ANK2: variants seen among roughly 807,000 people sequenced by gnomAD.
ANK2 encodes the protein ankyrin-2.
ANK2 carries 83 observed loss-of-function variants against 360.5 expected under a neutral mutation model. The ratio of observed to expected loss-of-function variants is 0.23; its 90% CI spans 0.19 to 0.28. The LOEUF (loss-of-function observed/expected upper bound fraction) is 0.28. ANK2 is among the 10% of genes least tolerant of loss of function. The pLI is 1.00. For missense variants in ANK2, 4,201 were observed against 4,795.7 expected, an observed-to-expected ratio of 0.88 and a Z score of 3.66; for synonymous variants, 1,740 against 1,759.5, an observed-to-expected ratio of 0.99 and a Z score of 0.28.
chr4:113,357,542 G>T lies in ANK2; in HGVS notation c.8924G>T (p.Ser2975Ile). ...CCTGTTGAAGACGTTGTAGTGGCAA[G>T]CTCCTCTAGTGGAACTGTTTTAAGC... Reference protein sequence around the residue: ...TSPVEDVVVASSSSGTVLSKE... With the variant: ...TSPVEDVVVAISSSGTVLSKE... The change falls in exon 38 of 46, where the codon AGC becomes ATC. Residue 2975 changes from serine to isoleucine, a missense_variant. Ser to Ile is a moderately radical substitution (Grantham distance 142). Coordinates refer to ENST00000357077, the MANE Select transcript of ANK2 (RefSeq NM_001148.6). 1 of 1,614,122 alleles carries T rather than the reference G, an allele frequency of 6.2e-7. No homozygotes were observed. The highest frequency in any genetic ancestry group is 1.3e-5 in the African/African-American group (1 of 75,038).
chr4:113,012,559 A>G (rs2055126102), intron 2 of ANK2, among the ~76,000 whole-genome samples: 1 of 152,188 alleles, frequency 6.6e-6, no homozygotes, highest in Non-Finnish European at 1.5e-5. Context: ...TTCAAGTGAG[A>G]TACCAGTTTT....
intron 4 of ANK2, among the ~76,000 whole-genome samples, chr4:113,213,336 G>A (rs2099046150): frequency 6.6e-6 from 1 of 152,170 alleles, no homozygotes; most frequent in African/African-American, 2.4e-5. Flanking sequence ...AAAGTCACAA[G>A]TTTAAAAATG....
chr4:113,054,408 T>G (rs1265791207), intron 1 of ANK2, among the ~76,000 whole-genome samples: 1 of 152,138 alleles, frequency 6.6e-6, no homozygotes, highest in Admixed American at 6.5e-5. Context: ...GCCAGATGTG[T>G]GGTTAAAATG....
At chr4:112,873,693 C>T (rs547841350) in intron 1 of ANK2, among the ~76,000 whole-genome samples, 111 of 150,568 alleles carry the variant, frequency 7.4e-4, no homozygotes, top group African/African-American at 2.7e-3. Context: ...CCCGCCACCA[C>T]GCTTGGCTAT....
chr4:112,928,620 G>A (rs1581322063), intron 2 of ANK2, among the ~76,000 whole-genome samples: 1 of 151,970 alleles, frequency 6.6e-6, no homozygotes. Flanking sequence ...AATCCAAGAC[G>A]ACTGGTGTCC....
chr4:113,102,790 C>T lies in ANK2; in HGVS notation c.84+52978C>T, dbSNP rs1385757996. ...TATTTCCTAGTATCTTAATCACATA[C>T]CTAGACGGAACTGAATTTCTAGATA... On this transcript the variant is annotated intron_variant, in intron 1 of 45. Transcript: ENST00000357077. 2.6e-5 allele frequency among the ~76,000 whole-genome samples: 4 copies of T among 152,076 alleles called. No homozygotes were observed. The East Asian group carries it at 7.7e-4, about 29-fold the overall frequency.
the ANK2 span, among the ~76,000 whole-genome samples, chr4:112,766,827 A>C: frequency 6.6e-6 from 1 of 152,164 alleles, no homozygotes; most frequent in Non-Finnish European, 1.5e-5. Flanking sequence ...CCCTCACCCA[A>C]GACAGGAATT....
intron 14 of ANK2, among the ~76,000 whole-genome samples, chr4:113,267,969 C>A (rs2056907405): frequency 6.6e-6 from 1 of 152,080 alleles, no homozygotes; most frequent in Non-Finnish European, 1.5e-5. Context: ...CCTTCACATC[C>A]CTTGTAAGTT....
intron 1 of ANK2, among the ~76,000 whole-genome samples, chr4:112,822,184 C>T (rs2057256832): frequency 1.4e-5 from 2 of 144,922 alleles, no homozygotes; most frequent in Admixed American, 7.3e-5. Flanking sequence ...GAGAGGATCA[C>T]GAGGTCAGGA....
chr4:113,100,567 T>C (rs2092660865), intron 1 of ANK2, among the ~76,000 whole-genome samples: 1 of 152,132 alleles, frequency 6.6e-6, no homozygotes, highest in South Asian at 2.1e-4. Flanking sequence ...ATCAACTTGG[T>C]AGTGTCTTAG....
Position 113,218,449 on chromosome 4 carries a change from A to AC in ANK2, c.385-13710dup, listed in dbSNP as rs2099111838. On this transcript the variant is annotated intron_variant, in intron 4 of 45. Coordinates refer to ENST00000357077, the MANE Select transcript of ANK2 (RefSeq NM_001148.6). ...TCAGTTTAACAGTAATCATTAAATG[A>AC]CCAAAAAAAAAAAAAAATGACTGAC... 9.5e-5 allele frequency among the ~76,000 whole-genome samples: 11 copies of AC among 115,786 alleles called. No homozygotes were observed. In the South Asian group the frequency reaches 3.0e-3, roughly 32 times the overall value. The allele number at this position is 115,786 out of a possible 152,430, so 76.0% of individuals were successfully genotyped here.
chr4:112,758,995 C>G, the ANK2 span, among the ~76,000 whole-genome samples: 1 of 152,058 alleles, frequency 6.6e-6, no homozygotes, highest in Non-Finnish European at 1.5e-5. Context: ...ACCTATCTTC[C>G]TATGGTCCTT....
At chr4:113,197,679 C>T (rs2098768894) in intron 3 of ANK2, among the ~76,000 whole-genome samples, 1 of 152,146 alleles carries the variant, frequency 6.6e-6, no homozygotes, top group African/African-American at 2.4e-5. Flanking sequence ...ATTGGTTCTG[C>T]TTGTAGTATA....
intron 31 of ANK2, among the ~76,000 whole-genome samples, chr4:113,338,841 G>A (rs923967155): frequency 2.6e-5 from 4 of 151,994 alleles, no homozygotes; most frequent in South Asian, 2.1e-4. Flanking sequence ...GAGTCACCGC[G>A]CCCGGCCGAT....
intron 1 of ANK2, among the ~76,000 whole-genome samples, chr4:112,887,359 G>A (rs775774038): frequency 3.3e-4 from 50 of 152,216 alleles, no homozygotes; most frequent in Admixed American, 2.6e-4. Flanking sequence ...GCTAATGTAA[G>A]TGTTCTGAGT....
At chr4:113,105,692 C>T (rs1308794263) in intron 1 of ANK2, among the ~76,000 whole-genome samples, 1 of 152,156 alleles carries the variant, frequency 6.6e-6, no homozygotes, top group Non-Finnish European at 1.5e-5. Flanking sequence ...GCTTCACAAA[C>T]TGTGTTTGTA....
At chr4:112,894,147 C>G (rs1405453805) in intron 1 of ANK2, among the ~76,000 whole-genome samples, 2 of 151,866 alleles carry the variant, frequency 1.3e-5, no homozygotes, top group Non-Finnish European at 2.9e-5. Flanking sequence ...TTTCAAAATG[C>G]CCTAGTTGGC....
intron 2 of ANK2, among the ~76,000 whole-genome samples, chr4:113,195,903 A>G (rs890877432): frequency 6.6e-6 from 1 of 152,198 alleles, no homozygotes; most frequent in Admixed American, 6.5e-5. Context: ...TAATCAAGGT[A>G]TAACTGTTGT....
the ANK2 span, among the ~76,000 whole-genome samples, chr4:112,796,423 CA>C: frequency 2.1e-4 from 31 of 146,688 alleles, no homozygotes; most frequent in African/African-American, 4.1e-4. Context: ...AACTCCGTCT[CA>C]AAAAAAAATA....
Sources: allele counts gnomAD v4.1 joint callset (sites outside exome capture counted in the v4.1 genomes callset), GRCh38; gene constraint gnomAD v4.1.1; transcripts MANE v1.5; gene names NCBI Gene and HGNC (gene_info 2026-07-23, HGNC 2026-07-21).